Variants in SMURF1 observed in about 807,000 individuals in gnomAD.
The protein encoded by SMURF1 is SMAD specific E3 ubiquitin protein ligase 1.
SMURF1 carries 44 observed loss-of-function variants against 98.0 expected under a neutral mutation model. The observed-to-expected ratio is 0.45, with a 90% CI of 0.35 to 0.58. The LOEUF is 0.58. SMURF1 is among the 20% of genes least tolerant of loss of function. The pLI is 0.00. For missense variants in SMURF1, 687 were observed against 938.4 expected (o/e 0.73, Z 3.50); for synonymous variants, 396 against 374.9 (o/e 1.06, Z -0.65).
chr7:99,042,283 T>G, intron 11 of SMURF1, 51 bp from the exon 12 acceptor site: 1 of 1,240,204 alleles, frequency 8.1e-7, no homozygotes. Context: ...ATTTCTACAT[T>G]TTTTTTTTTT....
At chr7:99,106,733 G>A (rs370234282) in intron 1 of SMURF1, among the ~76,000 whole-genome samples, 3 of 152,136 alleles carry the variant, frequency 2.0e-5, no homozygotes, top group East Asian at 1.9e-4. Context: ...GCAATATAGC[G>A]AGACCTTGTC....
At chr7:99,080,557 C>T (rs1327099566) in intron 1 of SMURF1, among the ~76,000 whole-genome samples, 1 of 152,202 alleles carries the variant, frequency 6.6e-6, no homozygotes, top group Non-Finnish European at 1.5e-5. Context: ...CCTCGGCCTC[C>T]CAAACTGCTG....
At chr7:99,064,947 CCATTAA>C (rs1438929325) in intron 1 of SMURF1, among the ~76,000 whole-genome samples, 1 of 152,056 alleles carries the variant, frequency 6.6e-6, no homozygotes, top group Non-Finnish European at 1.5e-5. Context: ...CTTATTTTTC[CCATTAA>C]CATTTAGAAT....
chr7:99,046,207 T>C (rs61150909), intron 10 of SMURF1, among the ~76,000 whole-genome samples: 17,396 of 152,144 alleles, frequency 0.11, 1,058 homozygotes, highest in East Asian at 0.24. Flanking sequence ...TGAGCCTCTC[T>C]TTATATCTAA....
chr7:99,100,259 A>T (rs998074514), intron 1 of SMURF1, among the ~76,000 whole-genome samples: 2 of 152,244 alleles, frequency 1.3e-5, no homozygotes, highest in African/African-American at 4.8e-5. Context: ...ATTTCAATTT[A>T]AAAACGCCAT....
At chr7:99,063,279 ATATATATATATATATATATATATAT>A (rs1796104233) in intron 1 of SMURF1, among the ~76,000 whole-genome samples, 1 of 19,352 alleles carries the variant, frequency 5.2e-5, no homozygotes, top group African/African-American at 1.1e-4. Flanking sequence ...ATATATATAT[ATATATATATATATATATATATATAT>A]AAAAAGAGAC....
intron 1 of SMURF1, among the ~76,000 whole-genome samples, chr7:99,123,218 G>A (rs1480601871): frequency 1.3e-5 from 2 of 152,042 alleles, no homozygotes; most frequent in Non-Finnish European, 2.9e-5. Flanking sequence ...AGCAGTGTAA[G>A]CCAAGTTATA....
intron 1 of SMURF1, among the ~76,000 whole-genome samples, chr7:99,111,054 C>T (rs1797308222): frequency 6.6e-6 from 1 of 152,210 alleles, no homozygotes; most frequent in Non-Finnish European, 1.5e-5. Context: ...CTACCAACTG[C>T]AGGTGCAAGA....
At chr7:99,089,742 T>C (rs1796769572) in intron 1 of SMURF1, among the ~76,000 whole-genome samples, 1 of 152,252 alleles carries the variant, frequency 6.6e-6, no homozygotes, top group South Asian at 2.1e-4. Flanking sequence ...CAAAATCATA[T>C]TGGAAAGTAA....
chr7:99,042,008 G>C, intron 12 of SMURF1, 110 bp downstream of exon 12: 2 of 853,032 alleles, frequency 2.3e-6, no homozygotes, highest in Non-Finnish European at 3.8e-6. Flanking sequence ...GCTTACCACT[G>C]TCTTTGATTA....
intron 12 of SMURF1, among the ~76,000 whole-genome samples, chr7:99,041,879 C>G (rs1795399835): frequency 6.6e-6 from 1 of 152,218 alleles, no homozygotes; most frequent in African/African-American, 2.4e-5. Flanking sequence ...AGTGTATGAA[C>G]AGCTCAGTTT....
At chr7:99,058,223 G>C (rs1313809894) in intron 3 of SMURF1, among the ~76,000 whole-genome samples, 1 of 151,758 alleles carries the variant, frequency 6.6e-6, no homozygotes, top group Non-Finnish European at 1.5e-5. Flanking sequence ...CCTGTCTCCT[G>C]GGTTCAAGGA....
intron 1 of SMURF1, among the ~76,000 whole-genome samples, chr7:99,142,412 G>A (rs1392896928): frequency 2.6e-5 from 4 of 151,884 alleles, no homozygotes; most frequent in Non-Finnish European, 5.9e-5. Context: ...TCTGGCCTAA[G>A]AGACAGGAAG....
At chr7:99,124,429 G>T (rs1797703424) in intron 1 of SMURF1, among the ~76,000 whole-genome samples, 2 of 152,194 alleles carry the variant, frequency 1.3e-5, no homozygotes, top group Admixed American at 1.3e-4. Context: ...TCTCATTCTA[G>T]AATACTTTTG....
chr7:99,050,394 G>C (rs984958855), intron 8 of SMURF1: 3 of 153,212 alleles, frequency 2.0e-5, no homozygotes, highest in African/African-American at 7.2e-5. Flanking sequence ...TCATTGGAAA[G>C]TTCCCAGACA....
chr7:99,117,855 G>A (rs972201981), intron 1 of SMURF1, among the ~76,000 whole-genome samples: 7 of 151,610 alleles, frequency 4.6e-5, no homozygotes, highest in Non-Finnish European at 7.4e-5. Flanking sequence ...CAAGGCAGGC[G>A]GACCACCTGA....
intron 4 of SMURF1, 69 bp from the exon 5 acceptor site, chr7:99,057,339 T>A (rs887573339): frequency 6.2e-7 from 1 of 1,612,920 alleles, no homozygotes; most frequent in African/African-American, 1.3e-5. Flanking sequence ...AATTCAGTAT[T>A]CAGCGATCAA....
chr7:99,133,122 C>CCACA, intron 1 of SMURF1, among the ~76,000 whole-genome samples: 1 of 147,740 alleles, frequency 6.8e-6, no homozygotes, highest in East Asian at 2.0e-4. Context: ...CACACCCCAC[C>CCACA]CACACGCAGT....
chr7:99,093,700 T>G (rs1796867281), intron 1 of SMURF1, among the ~76,000 whole-genome samples: 2 of 152,226 alleles, frequency 1.3e-5, no homozygotes, highest in Admixed American at 1.3e-4. Context: ...TAAGACACTT[T>G]CCTTATTTAG....
Sources: allele counts gnomAD v4.1 joint callset (sites outside exome capture counted in the v4.1 genomes callset), GRCh38; gene constraint gnomAD v4.1.1; transcripts MANE v1.5; gene names NCBI Gene and HGNC (gene_info 2026-07-23, HGNC 2026-07-21).